Variants in CARS2 observed in about 807,000 individuals in gnomAD.
CARS2 encodes probable cysteine--tRNA ligase, mitochondrial.
Under a neutral mutation model 68.8 loss-of-function variants are expected in CARS2, and 52 were observed. The ratio of observed to expected loss-of-function variants is 0.76; its 90% CI spans 0.61 to 0.95. The LOEUF (loss-of-function observed/expected upper bound fraction) is 0.95. Ranked by LOEUF, CARS2 falls within the 40% of genes least tolerant of loss-of-function variation. The probability of loss-of-function intolerance (pLI) is 0.00; values close to 1 mark genes in which losing one functional copy is unlikely to be tolerated. For missense variants in CARS2, 780 were observed against 754.2 expected (o/e 1.03, Z -0.40); for synonymous variants, 314 against 303.6 (o/e 1.03, Z -0.36).
upstream of CARS2, chr13:110,707,467 T>C (rs548180724): frequency 6.6e-6 from 1 of 152,178 alleles, no homozygotes; most frequent in East Asian, 1.9e-4. Context: ...ACCAATATGG[T>C]GAAACCCCGT....
In CARS2 at chr13:110,687,820, G is replaced by T; in HGVS notation, c.472C>A (p.Pro158Thr). ...GTTACCCTCAGGTACACCGTGGGTG[G>T]GAGAACCTGCAAGGAAGTGGAGACG... is the stretch of plus-strand genomic sequence containing the variant. ...KQDMAALKVL[P>T]PTVYLRVTEN... The change falls in exon 5 of 15, where the codon CCA becomes ACA. Residue 158 changes from proline to threonine, a missense_variant. Pro to Thr is a conservative substitution (Grantham distance 38). Coordinates refer to ENST00000257347, the MANE Select transcript of CARS2 (RefSeq NM_024537.4). The T allele has an allele frequency of 6.2e-7, 1 of 1,605,986 alleles. No individual in the cohort carries two copies. Among genetic ancestry groups the T allele is most frequent in the South Asian group, 1.1e-5 (1 of 90,684 alleles).
At chr13:110,642,160 T>C (rs1887425594) in intron 14 of CARS2, among the ~76,000 whole-genome samples, 155 bp downstream of exon 14, 1 of 151,990 alleles carries the variant, frequency 6.6e-6, no homozygotes, top group African/African-American at 2.4e-5. Context: ...TGAGCCGAGA[T>C]CACGCCATTG....
chr13:110,675,259 GTA>G (rs1461512017), intron 7 of CARS2, among the ~76,000 whole-genome samples: 1 of 152,158 alleles, frequency 6.6e-6, no homozygotes, highest in African/African-American at 2.4e-5. Context: ...ACATGCACAC[GTA>G]TGTTTATTGT....
chr13:110,651,352 G>A (rs947907862), intron 9 of CARS2: 12 of 482,884 alleles, frequency 2.5e-5, no homozygotes, highest in South Asian at 1.8e-4. Context: ...CTGAAAATCC[G>A]CACCTGCGCA....
intron 8 of CARS2, chr13:110,666,446 A>G: frequency 1.0e-6 from 1 of 985,370 alleles, no homozygotes; most frequent in Non-Finnish European, 1.2e-6. Context: ...AGAGGCAGAC[A>G]TAGTAGGTAA....
intron 8 of CARS2, chr13:110,663,939 C>T (rs768174307): frequency 2.4e-5 from 24 of 994,406 alleles, no homozygotes; most frequent in South Asian, 4.6e-5. Flanking sequence ...GCTTGTTGAC[C>T]GTTGTCCAAA....
Position 110,677,049 on chromosome 13 carries a change from G to A in CARS2, c.710C>T (p.Pro237Leu), listed in dbSNP as rs2062972569. The A allele has an allele frequency of 2.5e-6, 4 of 1,611,380 alleles. No homozygotes were observed. The East Asian group carries it at 8.9e-5, about 36-fold the overall frequency. The change falls in exon 7 of 15, where the codon CCC (proline) becomes CTC (leucine). Residue 237 changes from proline to leucine, a missense_variant. Coordinates refer to ENST00000257347, the MANE Select transcript of CARS2 (RefSeq NM_024537.4). ...GGGAGAGGCCCAGAACACCTCCTGG[G>A]GTTTGGCCGCCTTCCACAGGGCGAA... ...SDFALWKAAK[P>L]QEVFWASPWG...
At chr13:110,703,851 T>C (rs1295449682) in intron 2 of CARS2, among the ~76,000 whole-genome samples, 1 of 152,222 alleles carries the variant, frequency 6.6e-6, no homozygotes, top group African/African-American at 2.4e-5. Flanking sequence ...GTCTGAATGT[T>C]TGTCTTCCCT....
intron 1 of CARS2, among the ~76,000 whole-genome samples, chr13:110,712,036 A>C (rs1041009588): frequency 1.3e-5 from 2 of 152,224 alleles, no homozygotes; most frequent in Non-Finnish European, 2.9e-5. Context: ...TTTCAACTGC[A>C]ATTATTTTGT....
intron 11 of CARS2, chr13:110,646,881 G>A: frequency 2.0e-6 from 1 of 505,958 alleles, no homozygotes. Flanking sequence ...CTCCTGTCCA[G>A]CTCCCAGTCC....
chr13:110,709,973 G>A (rs1391206722), upstream of CARS2, among the ~76,000 whole-genome samples: 2 of 152,084 alleles, frequency 1.3e-5, no homozygotes, highest in Non-Finnish European at 2.9e-5. Context: ...TTCTTTCAAG[G>A]CAAAATCTTG....
intron 11 of CARS2, chr13:110,646,815 A>G (rs1888184971): frequency 2.8e-6 from 1 of 355,914 alleles, no homozygotes; most frequent in Admixed American, 4.5e-5. Flanking sequence ...CTGACCCCAC[A>G]CCTCCTGTCC....
At chr13:110,684,336 C>A (rs76877733) in intron 5 of CARS2, among the ~76,000 whole-genome samples, 159 of 152,062 alleles carry the variant, frequency 1.0e-3, no homozygotes, top group African/African-American at 3.5e-3. Flanking sequence ...GTCCTTACTG[C>A]GGACACTGGT....
chr13:110,679,601 G>GAA lies in CARS2; in HGVS notation c.656-2499_656-2498insTT, dbSNP rs1566712613. 4.9e-3 allele frequency among the ~76,000 whole-genome samples: 422 copies of GAA among 85,820 alleles called. 1 individual carries two copies. The highest frequency in any genetic ancestry group is 0.021 in the African/African-American group (384 of 18,170). 56.3% of individuals were successfully genotyped at this position (85,820 alleles called of 152,430 possible). On this transcript the variant is annotated intron_variant, in intron 6 of 14. Coordinates refer to ENST00000257347, the MANE Select transcript of CARS2 (RefSeq NM_024537.4). Reference sequence around the variant, plus strand: ...AAAGAAAGAAAGAAAGAAAGAAAGAGAGAGAGAGAGAGAGAGAGAGAGAGG... The same window carrying GAA: ...AAAGAAAGAAAGAAAGAAAGAAAGAGAAAGAGAGAGAGAGAGAGAGAGAGAGG...
At chr13:110,664,161 CTTTCTG>C in intron 8 of CARS2, 2 of 985,188 alleles carry the variant, frequency 2.0e-6, no homozygotes, top group Non-Finnish European at 2.4e-6. Flanking sequence ...AAGAGAAGGG[CTTTCTG>C]TTTCTAACAG....
intron 3 of CARS2, among the ~76,000 whole-genome samples, chr13:110,688,321 C>T (rs562146938): frequency 4.6e-5 from 7 of 152,222 alleles, no homozygotes; most frequent in African/African-American, 7.2e-5. Flanking sequence ...CAGCGGCTCA[C>T]GCCTGTAATC....
chr13:110,711,956 GT>G (rs1248949024), intron 1 of CARS2, among the ~76,000 whole-genome samples: 6 of 152,188 alleles, frequency 3.9e-5, no homozygotes, highest in Non-Finnish European at 7.3e-5. Context: ...AATCCAAAGA[GT>G]TTTAGATGTT....
rs149548457 is a variant in CARS2, at chr13:110,667,548, C to A, written c.786-75G>T. Reference sequence around the variant, plus strand: ...TTTCTTCTAACCTCGTCTATTTATTCCTTCCAGCCTTTTTAATTCAATGAA... The same window carrying A: ...TTTCTTCTAACCTCGTCTATTTATTACTTCCAGCCTTTTTAATTCAATGAA... On this transcript the variant is annotated intron_variant, in intron 7 of 14. Coordinates refer to ENST00000257347, the MANE Select transcript of CARS2 (RefSeq NM_024537.4). 8.1e-5 allele frequency: 108 copies of A among 1,328,860 alleles called. No homozygotes were observed. The East Asian group carries it at 2.5e-3, about 31-fold the overall frequency. 82.3% of individuals were successfully genotyped at this position (1,328,860 alleles called of 1,614,324 possible).
At chr13:110,642,218 C>T (rs973233805) in intron 14 of CARS2, 97 bp downstream of exon 14, 136 of 945,470 alleles carry the variant, frequency 1.4e-4, no homozygotes, top group Non-Finnish European at 2.0e-4. Flanking sequence ...AAAAAAAAAG[C>T]ATGGTCACGG....
Sources: allele counts gnomAD v4.1 joint callset (sites outside exome capture counted in the v4.1 genomes callset), GRCh38; gene constraint gnomAD v4.1.1; transcripts MANE v1.5; gene names NCBI Gene and HGNC (gene_info 2026-07-23, HGNC 2026-07-21).